The following ALX4 variants were observed in gnomAD, a reference collection of about 807,000 sequenced individuals.
ALX4 encodes ALX homeobox 4, also known as homeobox protein aristaless-like 4.
A neutral mutation model predicts 40.6 loss-of-function variants in ALX4; 22 were observed. That is an observed-to-expected ratio of 0.54 (90% confidence interval 0.39 to 0.77). The LOEUF is 0.77. Among genes scored for constraint, ALX4 ranks in the 30% least tolerant of loss-of-function variants. The pLI, the probability that ALX4 is intolerant of heterozygous loss-of-function variation, is 0.00. For missense variants in ALX4, 556 were observed against 564.8 expected, an observed-to-expected ratio of 0.98 and a Z score of 0.16; for synonymous variants, 266 against 240.5, an observed-to-expected ratio of 1.11 and a Z score of -0.98.
intron 1 of ALX4, among the ~76,000 whole-genome samples, chr11:44,280,545 G>A (rs1956303767): frequency 6.6e-6 from 1 of 152,234 alleles, no homozygotes; most frequent in Admixed American, 6.5e-5. Flanking sequence ...AAGGCTCTAT[G>A]CTGATGCCCC....
At chr11:44,295,803 C>A (rs932132650) in intron 1 of ALX4, among the ~76,000 whole-genome samples, 8 of 152,164 alleles carry the variant, frequency 5.3e-5, no homozygotes, top group Non-Finnish European at 7.4e-5. Flanking sequence ...GGTGTATAGA[C>A]CCTCAGAGCA....
intron 1 of ALX4, among the ~76,000 whole-genome samples, chr11:44,293,267 A>G (rs190435166): frequency 4.5e-4 from 68 of 152,178 alleles, no homozygotes; most frequent in Non-Finnish European, 9.1e-4. Flanking sequence ...AAAAAATTCA[A>G]AAAAGTCTCT....
At position 44,267,499 on chromosome 11, in the gene ALX4, C is replaced by T. The variant is rs766411205; in HGVS notation, c.901G>A (p.Ala301Thr). The T allele has an allele frequency of 2.2e-5, 35 of 1,613,886 alleles. No individual in the cohort carries two copies. The highest frequency in any genetic ancestry group is 3.3e-5 in the South Asian group (3 of 91,072). The change falls in exon 3 of 4, where the codon GCC becomes ACC. Residue 301 changes from alanine (A) to threonine (T), a missense_variant. Coordinates refer to ENST00000652299, the MANE Select transcript of ALX4 (RefSeq NM_021926.4). ...LPLLTRAENY[A>T]QIQNPSWLGN... ...CAGCTCAGGGCGGGACTTACCTGGG[C>T]GTAGTTCTCAGCTCGGGTGAGGAGG...
chr11:44,283,730 AT>A (rs1956322908), intron 1 of ALX4, among the ~76,000 whole-genome samples: 2 of 152,056 alleles, frequency 1.3e-5, no homozygotes, highest in Admixed American at 1.3e-4. Flanking sequence ...CACCCCGCTC[AT>A]TTTTGTATTT....
Position 44,275,651 on chromosome 11 carries a change from C to A in ALX4, c.474G>T (p.Glu158Asp). The change falls in exon 2 of 4, where the codon GAG becomes GAT. Residue 158 changes from glutamate to aspartate, a missense_variant. Coordinates refer to ENST00000652299, the MANE Select transcript of ALX4 (RefSeq NM_021926.4). ...AALQVPCYAK[E>D]SSLGEPELPP... ...GTAACTCTGGCTCACCCAGGGAGCTCTCTTTAGCTGAGGGAGGAGGAAACA... is the reference window on the plus strand; with the variant it reads ...GTAACTCTGGCTCACCCAGGGAGCTATCTTTAGCTGAGGGAGGAGGAAACA... 6.2e-7 allele frequency: 1 copy of A among 1,612,854 alleles called. No individual in the cohort carries two copies. Among genetic ancestry groups the A allele is most frequent in the Non-Finnish European group, 8.5e-7 (1 of 1,179,204 alleles).
chr11:44,302,050 G>T (rs1037382270), intron 1 of ALX4, among the ~76,000 whole-genome samples: 1 of 152,162 alleles, frequency 6.6e-6, no homozygotes, highest in African/African-American at 2.4e-5. Context: ...CTGCTCCTGG[G>T]AGCCATGACC....
At chr11:44,307,256 G>A (rs1034159163) in intron 1 of ALX4, among the ~76,000 whole-genome samples, 2 of 152,214 alleles carry the variant, frequency 1.3e-5, no homozygotes, top group Non-Finnish European at 2.9e-5. Context: ...AGGCCTTTCT[G>A]TTATCACCCC....
At chr11:44,270,196 G>A (rs1198237156) in intron 2 of ALX4, among the ~76,000 whole-genome samples, 1 of 152,186 alleles carries the variant, frequency 6.6e-6, no homozygotes, top group African/African-American at 2.4e-5. Flanking sequence ...CTGGAGCTGA[G>A]TGTGAGGGAG....
chr11:44,292,377 A>AATT (rs1565007139), intron 1 of ALX4, among the ~76,000 whole-genome samples: 1 of 93,114 alleles, frequency 1.1e-5, no homozygotes. Flanking sequence ...GGCTAATTAA[A>AATT]TTTTTTTTTT....
At chr11:44,269,577 G>T (rs1266294663) in intron 2 of ALX4, among the ~76,000 whole-genome samples, 1 of 152,230 alleles carries the variant, frequency 6.6e-6, no homozygotes, top group African/African-American at 2.4e-5. Flanking sequence ...CACATTGACT[G>T]GGGGAGGAGA....
At chr11:44,303,330 G>A (rs1230099926) in intron 1 of ALX4, among the ~76,000 whole-genome samples, 1 of 152,162 alleles carries the variant, frequency 6.6e-6, no homozygotes, top group Non-Finnish European at 1.5e-5. Context: ...GTGCAGCGGC[G>A]CCAGTGCCCA....
chr11:44,304,830 GT>G (rs1427414543), intron 1 of ALX4, among the ~76,000 whole-genome samples: 1 of 152,204 alleles, frequency 6.6e-6, no homozygotes, highest in Non-Finnish European at 1.5e-5. Context: ...TCTGTAGGGC[GT>G]TTTAATCTGT....
intron 1 of ALX4, among the ~76,000 whole-genome samples, chr11:44,278,890 G>C (rs568562788): frequency 2.4e-4 from 36 of 152,294 alleles, no homozygotes; most frequent in African/African-American, 8.7e-4. Flanking sequence ...GGGGAGCGCT[G>C]CTCCTGGTTC....
At chr11:44,306,806 TG>T (rs1030532389) in intron 1 of ALX4, among the ~76,000 whole-genome samples, 9 of 152,198 alleles carry the variant, frequency 5.9e-5, no homozygotes, top group African/African-American at 2.2e-4. Context: ...TCCCTCCTCC[TG>T]GCTACTTCTG....
At position 44,267,562 on chromosome 11, in the gene ALX4, G is replaced by C; in HGVS notation, c.838C>G (p.Gln280Glu). 6.2e-7 allele frequency: 1 copy of C among 1,614,144 alleles called. No individual in the cohort carries two copies. The highest frequency in any genetic ancestry group is 8.5e-7 in the Non-Finnish European group (1 of 1,180,020). Residue 280 changes from glutamine to glutamate, a missense_variant, in exon 3 of 4, where the codon CAG (glutamine) becomes GAG (glutamate). Coordinates refer to ENST00000652299, the MANE Select transcript of ALX4 (RefSeq NM_021926.4). ...RKRERFGQMQ[Q>E]VRTHFSTAYE... ...GCAGTGGAGAAGTGGGTTCGAACCT[G>C]CTGCATCTGCCCAAAACGCTCCCGC...
Position 44,308,332 on chromosome 11 carries a change from T to C in ALX4, c.466+1265A>G, listed in dbSNP as rs561641223. ...AGAAAATATCTGCCATCGGCTGTTT[T>C]CCCAAAGTTATTCTAGCCACCAAGG... On this transcript the variant is annotated intron_variant, in intron 1 of 3. Coordinates refer to ENST00000652299, the MANE Select transcript of ALX4 (RefSeq NM_021926.4). Among the ~76,000 whole-genome samples, 16 of 152,350 alleles carry C rather than the reference T, an allele frequency of 1.1e-4. No individual in the cohort carries two copies. In the South Asian group the frequency reaches 2.9e-3, roughly 28 times the overall value.
chr11:44,276,465 C>G (rs1183318922), intron 1 of ALX4, among the ~76,000 whole-genome samples: 1 of 152,150 alleles, frequency 6.6e-6, no homozygotes, highest in Admixed American at 6.5e-5. Flanking sequence ...GGCAGATGGA[C>G]CCCCCACCCA....
chr11:44,269,571 T>C (rs7935322), intron 2 of ALX4, among the ~76,000 whole-genome samples: 20,330 of 152,240 alleles, frequency 0.13, 1,441 homozygotes, highest in African/African-American at 0.18. Context: ...TGCACACACA[T>C]TGACTGGGGG....
At chr11:44,292,550 C>T (rs1395327456) in intron 1 of ALX4, among the ~76,000 whole-genome samples, 1 of 152,010 alleles carries the variant, frequency 6.6e-6, no homozygotes, top group Non-Finnish European at 1.5e-5. Flanking sequence ...TCATCAACTT[C>T]CTTAAAGTTG....
Sources: gnomAD v4.1 joint callset for allele counts (sites outside exome capture counted in the v4.1 genomes callset) on GRCh38, gnomAD v4.1.1 for gene constraint, MANE v1.5 for transcripts, NCBI Gene and HGNC (gene_info 2026-07-23, HGNC 2026-07-21) for gene names.